Variants in PSG11 observed in about 807,000 individuals in gnomAD.
PSG11 encodes pregnancy specific beta-1-glycoprotein 11, also known as pregnancy-specific beta-1-glycoprotein 11.
In PSG11, 42 loss-of-function variants were observed where a neutral mutation model predicts 36.0. The observed-to-expected ratio is 1.17, with a 90% CI of 0.91 to 1.51. The LOEUF (loss-of-function observed/expected upper bound fraction) is 1.51. Ranked by LOEUF, PSG11 falls within the 40% of genes most tolerant of loss-of-function variation. The probability of loss-of-function intolerance (pLI) is 0.00; values close to 1 mark genes in which losing one functional copy is unlikely to be tolerated. For synonymous variants in PSG11, 206 were observed against 153.5 expected, an observed-to-expected ratio of 1.34 and a Z score of -2.53; for missense variants, 558 against 403.5, an observed-to-expected ratio of 1.38 and a Z score of -3.28.
At chr19:43,022,942 C>G (rs1967138368) in intron 2 of PSG11, among the ~76,000 whole-genome samples, 1 of 150,452 alleles carries the variant, frequency 6.6e-6, no homozygotes, top group African/African-American at 2.5e-5. Flanking sequence ...GGGGAAGAAG[C>G]TGTGCAGGAC....
chr19:43,022,160 T>G lies in PSG11; in HGVS notation c.430+2531A>C, dbSNP rs768057836. Among the ~76,000 whole-genome samples the G allele has an allele frequency of 2.6e-4, 39 of 151,598 alleles. 1 individual carries two copies. The highest frequency in any genetic ancestry group is 3.7e-4 in the Non-Finnish European group (25 of 67,946). ...GGGAACTGAATTCTGCTAAAATGTA[T>G]GCACAGTTTCTATAATCCCTGACTG... On this transcript the variant is annotated intron_variant, in intron 2 of 5. Coordinates refer to ENST00000320078, the MANE Select transcript of PSG11 (RefSeq NM_002785.3).
chr19:43,014,113 GA>G (rs1966897151), intron 4 of PSG11: 1 of 155,398 alleles, frequency 6.4e-6, no homozygotes, highest in Non-Finnish European at 1.4e-5. Context: ...GTGTTAGGGG[GA>G]GAAGGAGTGA....
chr19:43,015,091 GC>G, intron 4 of PSG11, 24 bp downstream of exon 4: 1 of 1,611,384 alleles, frequency 6.2e-7, no homozygotes. Context: ...AAACCCTATT[GC>G]CAAGGATGCT....
chr19:43,017,107 G>A (rs1439050364), intron 3 of PSG11: 2 of 151,422 alleles, frequency 1.3e-5, no homozygotes, highest in African/African-American at 4.9e-5. Context: ...GGGAGAATCA[G>A]AAGTTGTTCA....
intron 4 of PSG11, among the ~76,000 whole-genome samples, chr19:43,012,492 A>C (rs913464921): frequency 6.6e-6 from 1 of 151,494 alleles, no homozygotes; most frequent in African/African-American, 2.4e-5. Context: ...ATTTCAATAC[A>C]CTAACCATGA....
chr19:43,016,149 G>C (rs1008842690), intron 3 of PSG11: 4 of 1,476,062 alleles, frequency 2.7e-6, no homozygotes, highest in Non-Finnish European at 3.6e-6. Context: ...GCCCACCCGA[G>C]TCCTTGAAAG....
chr19:43,012,682 G>A (rs1353115107), intron 4 of PSG11, among the ~76,000 whole-genome samples: 3 of 151,484 alleles, frequency 2.0e-5, no homozygotes, highest in Admixed American at 1.3e-4. Context: ...TGAATTGGAA[G>A]ACTCAATATT....
intron 2 of PSG11, among the ~76,000 whole-genome samples, chr19:43,020,325 G>A (rs986331142): frequency 3.3e-5 from 5 of 151,322 alleles, no homozygotes; most frequent in Admixed American, 3.3e-4. Context: ...AATCCACAAT[G>A]CGCCAGTGAG....
chr19:43,021,214 T>A (rs1967093856), intron 2 of PSG11, among the ~76,000 whole-genome samples: 1 of 151,396 alleles, frequency 6.6e-6, no homozygotes, highest in Non-Finnish European at 1.5e-5. Context: ...AATATGTTGA[T>A]CCACTTTTTT....
chr19:43,017,077 G>A (rs533199502), intron 3 of PSG11, among the ~76,000 whole-genome samples: 2 of 151,356 alleles, frequency 1.3e-5, no homozygotes, highest in South Asian at 2.1e-4. Flanking sequence ...GAGACTGCTG[G>A]TTGCCAGGAG....
Position 43,024,721 on chromosome 19 carries a change from C to T in PSG11, c.400G>A (p.Val134Ile). 6.2e-7 allele frequency: 1 copy of T among 1,611,200 alleles called. No individual in the cohort carries two copies. The highest frequency in any genetic ancestry group is 8.5e-7 in the Non-Finnish European group (1 of 1,178,688). ...AAGGTGAAGGTGAAATATCCAGTTA[C>T]TCCTCTAGTCCCATCACCTCGCTTT... Reference protein sequence around the residue: ...IIKRGDGTRGVTGYFTFTLYL... With the variant: ...IIKRGDGTRGITGYFTFTLYL... Residue 134 changes from valine (V) to isoleucine (I), a missense_variant, in exon 2 of 6, where the codon GTA becomes ATA. Transcript: ENST00000320078.
At chr19:43,022,901 A>G (rs1967137206) in intron 2 of PSG11, among the ~76,000 whole-genome samples, 1 of 150,388 alleles carries the variant, frequency 6.6e-6, no homozygotes, top group African/African-American at 2.5e-5. Context: ...CAGCCTAGTT[A>G]GAGGGAGTGT....
chr19:43,013,881 A>C (rs894212501), intron 4 of PSG11, among the ~76,000 whole-genome samples: 3 of 151,552 alleles, frequency 2.0e-5, no homozygotes, highest in African/African-American at 7.3e-5. Flanking sequence ...AAGTCCATTG[A>C]AAGATAAGTG....
intron 1 of PSG11, among the ~76,000 whole-genome samples, chr19:43,025,936 CTTTTTTT>C (rs1195259262): frequency 2.6e-4 from 18 of 68,148 alleles, no homozygotes; most frequent in Admixed American, 6.5e-4. Flanking sequence ...TTTTTTTTCT[CTTTTTTT>C]TTTTTTTTTT....
chr19:43,009,708 A>T (rs1454182675), intron 5 of PSG11, among the ~76,000 whole-genome samples: 1 of 149,988 alleles, frequency 6.7e-6, no homozygotes, highest in African/African-American at 2.4e-5. Context: ...ACCATGTGAA[A>T]TTGTGTTTCT....
chr19:43,024,732 C>A lies in PSG11; in HGVS notation c.389G>T (p.Gly130Val). ...GAAATATCCAGTTACTCCTCTAGTCCCATCACCTCGCTTTATGATGTGTAA... is the reference window on the plus strand; with the variant it reads ...GAAATATCCAGTTACTCCTCTAGTCACATCACCTCGCTTTATGATGTGTAA... ...YTLHIIKRGD[G>V]TRGVTGYFTF... The change falls in exon 2 of 6, where the codon GGG becomes GTG. Residue 130 changes from glycine (G) to valine (V), a missense_variant. Transcript: ENST00000320078. 5.6e-6 allele frequency: 9 copies of A among 1,611,492 alleles called. No homozygotes were observed. Among genetic ancestry groups the A allele is most frequent in the Non-Finnish European group, 7.6e-6 (9 of 1,178,830 alleles).
intron 4 of PSG11, 172 bp downstream of exon 4, chr19:43,014,944 A>G: frequency 6.7e-7 from 1 of 1,492,686 alleles, no homozygotes; most frequent in Non-Finnish European, 9.0e-7. Context: ...ACAGAAAAAA[A>G]AGGAGAAGAG....
At chr19:43,026,209 G>T in intron 1 of PSG11, 100 bp downstream of exon 1, 1 of 1,546,010 alleles carries the variant, frequency 6.5e-7, no homozygotes, top group Non-Finnish European at 8.8e-7. Context: ...CCTAAATGCT[G>T]GCTTTTTTAT....
chr19:43,012,079 T>C (rs1974091476), intron 4 of PSG11, among the ~76,000 whole-genome samples: 1 of 151,286 alleles, frequency 6.6e-6, no homozygotes, highest in Non-Finnish European at 1.5e-5. Flanking sequence ...CAAGATTCAA[T>C]CCATAAAAGC....
Sources: allele counts gnomAD v4.1 joint callset (sites outside exome capture counted in the v4.1 genomes callset), GRCh38; gene constraint gnomAD v4.1.1; transcripts MANE v1.5; gene names NCBI Gene and HGNC (gene_info 2026-07-23, HGNC 2026-07-21).